The following NAA11 variants were observed in gnomAD, a reference collection of about 807,000 sequenced individuals.
The protein encoded by NAA11 is N-alpha-acetyltransferase 11.
A neutral mutation model predicts 16.1 loss-of-function variants in NAA11; 15 were observed. The ratio of observed to expected loss-of-function variants is 0.93; its 90% CI spans 0.62 to 1.44. NAA11 has a LOEUF of 1.44. NAA11 is among the 40% of genes most tolerant of loss of function. NAA11 has a pLI of 0.00. For missense variants in NAA11, 298 were observed against 291.3 expected (o/e 1.02, Z -0.17); for synonymous variants, 122 against 112.4 (o/e 1.09, Z -0.54).
Position 79,325,465 on chromosome 4 carries a change from T to C in NAA11, c.413A>G (p.Tyr138Cys), listed in dbSNP as rs1346180293. 8 of 1,614,064 alleles carry C rather than the reference T, an allele frequency of 5.0e-6. No homozygotes were observed. Among genetic ancestry groups the C allele is most frequent in the African/African-American group, 2.7e-5 (2 of 74,918 alleles). ...AGCATAAGCATCTTCCCCATCTGCA[T>C]AGTATTTAGGTTCCACCTCACTAAT... ...FQISEVEPKY[Y>C]ADGEDAYAMK... is the part of the protein sequence containing the mutation. The change falls in exon 1 of 2, where the codon TAT becomes TGT. Residue 138 changes from tyrosine to cysteine, a missense_variant. Physicochemically the swap from Tyr to Cys is radical, Grantham distance 194. Transcript: ENST00000286794.
At chr4:79,213,110 C>T in the NAA11 span, among the ~76,000 whole-genome samples, 77 of 152,194 alleles carry the variant, frequency 5.1e-4, no homozygotes, top group South Asian at 0.014. Flanking sequence ...TCATTATTAT[C>T]ACAATGAAAG....
At chr4:79,323,216 G>GGTGAAAGGTGCCTTTCATAC in intron 1 of NAA11, among the ~76,000 whole-genome samples, 1 of 152,192 alleles carries the variant, frequency 6.6e-6, no homozygotes, top group South Asian at 2.1e-4. Flanking sequence ...ACTAGATTAA[G>GGTGAAAGGTGCCTTTCATAC]ATGTTAAAGC....
chr4:79,178,031 A>G, the NAA11 span, among the ~76,000 whole-genome samples: 1 of 152,170 alleles, frequency 6.6e-6, no homozygotes, highest in Non-Finnish European at 1.5e-5. Flanking sequence ...TGAGTTGAAC[A>G]TTAAAAGTAA....
At chr4:79,235,997 A>G (rs1721561195) in intron 2 of NAA11, among the ~76,000 whole-genome samples, 1 of 152,084 alleles carries the variant, frequency 6.6e-6, no homozygotes, top group African/African-American at 2.4e-5. Context: ...CAACACTTCT[A>G]ACCACTTAAT....
chr4:79,251,596 C>A (rs1224071707), intron 2 of NAA11, among the ~76,000 whole-genome samples: 1 of 151,422 alleles, frequency 6.6e-6, no homozygotes, highest in Non-Finnish European at 1.5e-5. Flanking sequence ...TCCTGCATAA[C>A]AAACCCGCCA....
downstream of NAA11, among the ~76,000 whole-genome samples, chr4:79,312,442 G>A (rs1294594707): frequency 6.6e-6 from 1 of 152,030 alleles, no homozygotes; most frequent in Non-Finnish European, 1.5e-5. Flanking sequence ...CCTGAGGTTA[G>A]GAACTTGAGA....
the NAA11 span, among the ~76,000 whole-genome samples, chr4:79,196,757 A>G: frequency 6.6e-6 from 1 of 151,910 alleles, no homozygotes; most frequent in African/African-American, 2.4e-5. Flanking sequence ...CTAATTAGCT[A>G]AATTTAAAAT....
downstream of NAA11, among the ~76,000 whole-genome samples, chr4:79,220,950 T>C (rs1721177068): frequency 1.3e-5 from 2 of 151,872 alleles, no homozygotes; most frequent in African/African-American, 4.8e-5. Flanking sequence ...ATTGAATCTG[T>C]AAATTACCTT....
chr4:79,322,882 C>T (rs1391812573), intron 1 of NAA11, among the ~76,000 whole-genome samples: 1 of 151,980 alleles, frequency 6.6e-6, no homozygotes, highest in African/African-American at 2.4e-5. Context: ...TTCTAACCAC[C>T]AAAGACTTAC....
In NAA11 at chr4:79,290,331, C is replaced by G. The variant is rs752606752; in HGVS notation, c.*122+3674G>C. 9.2e-5 allele frequency among the ~76,000 whole-genome samples: 14 copies of G among 152,094 alleles called. No homozygotes were observed. The South Asian group carries it at 2.7e-3, about 29-fold the overall frequency. On this transcript the variant is annotated intron_variant and NMD_transcript_variant, in intron 2 of 2. Transcript: ENST00000511542. Reference sequence around the variant, plus strand: ...AACAGAAAAAGGAAAATGGTGTGCTCTATCCCAGATATGAAGCTCAACAAA... The same window carrying G: ...AACAGAAAAAGGAAAATGGTGTGCTGTATCCCAGATATGAAGCTCAACAAA...
downstream of NAA11, among the ~76,000 whole-genome samples, chr4:79,314,910 C>T (rs752907374): frequency 2.6e-5 from 4 of 152,018 alleles, no homozygotes; most frequent in Admixed American, 6.6e-5. Flanking sequence ...TTGTTGTACA[C>T]GTTTTTAACA....
At chr4:79,227,064 A>G (rs578155443) in intron 2 of NAA11, 2 of 152,116 alleles carry the variant, frequency 1.3e-5, no homozygotes, top group African/African-American at 2.4e-5. Flanking sequence ...AAGTGTTCCT[A>G]TTTCTCCACA....
the NAA11 span, among the ~76,000 whole-genome samples, chr4:79,166,118 G>A: frequency 6.6e-6 from 1 of 152,140 alleles, no homozygotes; most frequent in East Asian, 1.9e-4. Flanking sequence ...GTATATCCTG[G>A]TGGCATGAAA....
chr4:79,264,824 G>A (rs932616844), intron 2 of NAA11, among the ~76,000 whole-genome samples: 4 of 152,066 alleles, frequency 2.6e-5, no homozygotes, highest in Non-Finnish European at 5.9e-5. Context: ...CATTTCATAG[G>A]TTATCTGATC....
At chr4:79,202,541 C>CACACAT in the NAA11 span, among the ~76,000 whole-genome samples, 1 of 139,992 alleles carries the variant, frequency 7.1e-6, no homozygotes, top group African/African-American at 2.6e-5. Context: ...CACACACACA[C>CACACAT]GCACACACAC....
chr4:79,312,335 T>A (rs1723795987), downstream of NAA11, among the ~76,000 whole-genome samples: 1 of 152,140 alleles, frequency 6.6e-6, no homozygotes, highest in Non-Finnish European at 1.5e-5. Context: ...GGTTTACTAA[T>A]GTTTTATTTA....
At chr4:79,271,579 T>A (rs1722493652) in intron 2 of NAA11, among the ~76,000 whole-genome samples, 1 of 152,050 alleles carries the variant, frequency 6.6e-6, no homozygotes, top group African/African-American at 2.4e-5. Context: ...GGGAAATAAT[T>A]CTTTTCAACT....
At chr4:79,239,904 G>A (rs1483541016) in intron 2 of NAA11, among the ~76,000 whole-genome samples, 1 of 152,144 alleles carries the variant, frequency 6.6e-6, no homozygotes, top group Non-Finnish European at 1.5e-5. Flanking sequence ...TGGCCATGAT[G>A]TCAGTGATGG....
chr4:79,212,261 G>A, the NAA11 span, among the ~76,000 whole-genome samples: 1 of 152,160 alleles, frequency 6.6e-6, no homozygotes, highest in East Asian at 1.9e-4. Flanking sequence ...TCTTTGAAAT[G>A]CTCCATTAAA....
Sources: gnomAD v4.1 joint callset for allele counts (sites outside exome capture counted in the v4.1 genomes callset) on GRCh38, gnomAD v4.1.1 for gene constraint, MANE v1.5 for transcripts, NCBI Gene and HGNC (gene_info 2026-07-23, HGNC 2026-07-21) for gene names.